Variants in KCNIP4 observed in about 807,000 individuals in gnomAD.
KCNIP4 encodes potassium voltage-gated channel interacting protein 4, also known as Kv channel-interacting protein 4.
KCNIP4 carries 12 observed loss-of-function variants against 34.0 expected under a neutral mutation model. That is an observed-to-expected ratio of 0.35 (90% confidence interval 0.23 to 0.57). The LOEUF (loss-of-function observed/expected upper bound fraction) is 0.57, where lower values mean the gene tolerates loss of function less well. Among genes scored for constraint, KCNIP4 ranks in the 20% least tolerant of loss-of-function variants. The probability of loss-of-function intolerance (pLI) is 0.83; values close to 1 mark genes in which losing one functional copy is unlikely to be tolerated. For missense variants in KCNIP4, 238 were observed against 311.7 expected (o/e 0.76, Z 1.78); for synonymous variants, 124 against 102.2 (o/e 1.21, Z -1.29).
intron 1 of KCNIP4, among the ~76,000 whole-genome samples, chr4:21,495,943 A>T (rs1256642588): frequency 1.1e-4 from 17 of 152,132 alleles, no homozygotes; most frequent in Admixed American, 1.1e-3. Flanking sequence ...TAAGATTCTC[A>T]TTCCAGAAGT....
intron 3 of KCNIP4, among the ~76,000 whole-genome samples, chr4:20,837,943 G>T (rs914374094): frequency 1.3e-4 from 19 of 151,616 alleles, no homozygotes; most frequent in African/African-American, 4.4e-4. Context: ...ACCCATCTCA[G>T]CTTCTCAAAG....
intron 1 of KCNIP4, among the ~76,000 whole-genome samples, chr4:21,636,267 G>A (rs1577730170): frequency 6.7e-6 from 1 of 148,520 alleles, no homozygotes; most frequent in South Asian, 2.1e-4. Context: ...ATGTGCACAT[G>A]TACCCTAGAA....
chr4:20,917,770 G>T (rs886752728), intron 1 of KCNIP4, among the ~76,000 whole-genome samples: 2 of 152,092 alleles, frequency 1.3e-5, no homozygotes, highest in Admixed American at 6.5e-5. Context: ...AGGCTGCAAT[G>T]CCTGTATCAG....
At chr4:21,833,793 T>C (rs920320555) in intron 1 of KCNIP4, among the ~76,000 whole-genome samples, 3 of 152,186 alleles carry the variant, frequency 2.0e-5, no homozygotes, top group Non-Finnish European at 4.4e-5. Context: ...GGGTTCCAGT[T>C]TCAGCTTCCT....
intron 6 of KCNIP4, among the ~76,000 whole-genome samples, chr4:20,733,188 A>AG (rs1413921001): frequency 1.3e-5 from 2 of 152,190 alleles, no homozygotes; most frequent in African/African-American, 4.8e-5. Context: ...TCGTATATTG[A>AG]GAAAAAACAC....
chr4:20,825,225 G>GTTTTTTT (rs71181592), intron 3 of KCNIP4, among the ~76,000 whole-genome samples: 10 of 113,634 alleles, frequency 8.8e-5, no homozygotes, highest in East Asian at 2.8e-4. Flanking sequence ...TCAATTTTAC[G>GTTTTTTT]TTTTTTTTTT....
chr4:20,766,676 A>G (rs552165366), intron 3 of KCNIP4: 5 of 152,392 alleles, frequency 3.3e-5, no homozygotes, highest in Admixed American at 6.5e-5. Context: ...GGAACTGACC[A>G]TAGATACACA....
At chr4:21,606,598 TG>T (rs1162253734) in intron 1 of KCNIP4, among the ~76,000 whole-genome samples, 1 of 152,084 alleles carries the variant, frequency 6.6e-6, no homozygotes, top group East Asian at 1.9e-4. Context: ...GTTTGTTGTT[TG>T]TTGTTTGTTT....
chr4:21,077,191 G>C (rs930763660), intron 1 of KCNIP4, among the ~76,000 whole-genome samples: 3 of 151,880 alleles, frequency 2.0e-5, no homozygotes, highest in African/African-American at 7.2e-5. Context: ...AGGTTTTATT[G>C]CTCCATTTAT....
At chr4:21,153,636 A>G (rs1269992901) in intron 1 of KCNIP4, among the ~76,000 whole-genome samples, 1 of 151,872 alleles carries the variant, frequency 6.6e-6, no homozygotes, top group African/African-American at 2.4e-5. Context: ...GGACAACAAC[A>G]TGCAAATCAT....
In KCNIP4 at chr4:21,267,561, G is replaced by A. The variant is rs370674770; in HGVS notation, c.62-384852C>T. Reference sequence around the variant, plus strand: ...TTATTGAGAGTTTTTAGCATGAAGCGTTGTTGAATTTTGTCAAAGGCCTTT... The same window carrying A: ...TTATTGAGAGTTTTTAGCATGAAGCATTGTTGAATTTTGTCAAAGGCCTTT... On this transcript the variant is annotated intron_variant, in intron 1 of 8. Transcript: ENST00000382152. Among the ~76,000 whole-genome samples, 411 of 149,204 alleles carry A rather than the reference G, an allele frequency of 2.8e-3. 11 individuals carry two copies. In the East Asian group the frequency reaches 0.041, roughly 15 times the overall value.
chr4:20,730,224 C>G (rs1560398322), intron 8 of KCNIP4, 95 bp from the exon 9 acceptor site: 1 of 1,400,826 alleles, frequency 7.1e-7, no homozygotes, highest in Admixed American at 2.5e-5. Flanking sequence ...CCATCAACCA[C>G]CTCAACCACC....
At chr4:20,747,676 A>G (rs10938803) in intron 5 of KCNIP4, among the ~76,000 whole-genome samples, 79,086 of 151,694 alleles carry the variant, frequency 0.52, 21,292 homozygotes, top group African/African-American at 0.64. Flanking sequence ...TTCTCTTCTC[A>G]GTGCTATTTC....
At chr4:21,226,277 GAC>G (rs1231456748) in intron 1 of KCNIP4, among the ~76,000 whole-genome samples, 2 of 124,462 alleles carry the variant, frequency 1.6e-5, no homozygotes, top group African/African-American at 6.6e-5. Context: ...GAGGGCGGGA[GAC>G]AGAGAGAGAG....
chr4:20,797,174 G>T (rs531941776), intron 3 of KCNIP4, among the ~76,000 whole-genome samples: 9 of 152,202 alleles, frequency 5.9e-5, no homozygotes, highest in African/African-American at 2.2e-4. Flanking sequence ...ATTTAGTGGA[G>T]GGAGGTAATA....
chr4:20,880,863 G>A (rs1345054613), intron 2 of KCNIP4, among the ~76,000 whole-genome samples: 1 of 152,110 alleles, frequency 6.6e-6, no homozygotes, highest in African/African-American at 2.4e-5. Context: ...CTTCCAGGTT[G>A]CTGATGATGT....
chr4:21,844,474 T>C (rs1302484429), intron 1 of KCNIP4: 1 of 152,054 alleles, frequency 6.6e-6, no homozygotes, highest in African/African-American at 2.4e-5. Flanking sequence ...ATGGAATTAC[T>C]TGGCCCTTTT....
At chr4:21,905,530 A>T (rs1267464124) in intron 1 of KCNIP4, among the ~76,000 whole-genome samples, 1 of 152,156 alleles carries the variant, frequency 6.6e-6, no homozygotes, top group African/African-American at 2.4e-5. Context: ...TGCAGCCATA[A>T]AAAATGATGA....
At chr4:21,068,292 T>C (rs1054948266) in intron 1 of KCNIP4, among the ~76,000 whole-genome samples, 11 of 152,190 alleles carry the variant, frequency 7.2e-5, no homozygotes, top group African/African-American at 2.7e-4. Context: ...GCTTCCCCCA[T>C]GAATCCTGAG....
Sources: gnomAD v4.1 joint callset for allele counts (sites outside exome capture counted in the v4.1 genomes callset) on GRCh38, gnomAD v4.1.1 for gene constraint, MANE v1.5 for transcripts, NCBI Gene and HGNC (gene_info 2026-07-23, HGNC 2026-07-21) for gene names.